The following KRI1 variants were observed in gnomAD, a reference collection of about 807,000 sequenced individuals.
KRI1 encodes KRI1 homolog, also known as protein KRI1 homolog.
In KRI1, 83 loss-of-function variants were observed where a neutral mutation model predicts 97.0. That is an observed-to-expected ratio of 0.86 (90% CI 0.72 to 1.03). KRI1 has a LOEUF of 1.03. Among genes scored for constraint, KRI1 ranks in the 50% least tolerant of loss-of-function variants. The probability of loss-of-function intolerance (pLI) is 0.00; values close to 1 mark genes in which losing one functional copy is unlikely to be tolerated. For missense variants in KRI1, 916 were observed against 928.4 expected (o/e 0.99, Z 0.17); for synonymous variants, 371 against 363.5 (o/e 1.02, Z -0.23).
intron 18 of KRI1, 36 bp from the exon 19 acceptor site, chr19:10,554,317 T>A: frequency 6.4e-7 from 1 of 1,562,056 alleles, no homozygotes; most frequent in Non-Finnish European, 8.8e-7. Flanking sequence ...CCCAGGCCTG[T>A]CAAGATCAGG....
chr19:10,555,254 C>A (rs1916467239), intron 17 of KRI1, 31 bp downstream of exon 17: 1 of 1,613,358 alleles, frequency 6.2e-7, no homozygotes, highest in East Asian at 2.2e-5. Context: ...GCCCCCTGCG[C>A]ATGTGGCCCC....
At chr19:10,555,255 A>ACCTGGCTC in intron 17 of KRI1, 30 bp downstream of exon 17, 1 of 1,613,164 alleles carries the variant, frequency 6.2e-7, no homozygotes, top group Non-Finnish European at 8.5e-7. Context: ...CCCCCTGCGC[A>ACCTGGCTC]TGTGGCCCCG....
chr19:10,563,780 A>G (rs1475789945), intron 3 of KRI1, among the ~76,000 whole-genome samples: 1 of 152,160 alleles, frequency 6.6e-6, no homozygotes, highest in East Asian at 1.9e-4. Flanking sequence ...CTCCCACTTC[A>G]GCCTCCCAAA....
At chr19:10,561,619 G>C (rs749203784) in intron 6 of KRI1, 48 bp downstream of exon 6, 4 of 1,588,128 alleles carry the variant, frequency 2.5e-6, no homozygotes, top group Admixed American at 1.7e-5. Context: ...TCCAACCCCC[G>C]AGCCTCAACT....
chr19:10,556,790 G>A (rs1369956764), intron 16 of KRI1, among the ~76,000 whole-genome samples: 2 of 151,776 alleles, frequency 1.3e-5, no homozygotes, highest in East Asian at 1.9e-4. Context: ...CAGGGAGTTC[G>A]AGACCAGCCT....
At chr19:10,564,798 C>G in intron 3 of KRI1, 131 bp downstream of exon 3, 4 of 727,198 alleles carry the variant, frequency 5.5e-6, no homozygotes, top group South Asian at 1.5e-5. Flanking sequence ...GAGATGCTAC[C>G]GTTAGATATA....
rs539229552 is a variant in KRI1 at position 10,556,062 on chromosome 19, T to C, written c.1618-713A>G. ...AGGGCTTGAACCCACCTAGGCCCCC[T>C]GGTTCCAGAGGACACCAAGTCTTTT... On this transcript the variant is annotated intron_variant, in intron 16 of 18. Transcript: ENST00000312962. 2.0e-5 allele frequency among the ~76,000 whole-genome samples: 3 copies of C among 152,280 alleles called. No homozygotes were observed. The East Asian group carries it at 5.8e-4, about 29-fold the overall frequency.
In KRI1 at chr19:10,565,675, T is replaced by C. The variant is rs763282462; in HGVS notation, c.168+42A>G. On this transcript the variant is annotated intron_variant, in intron 2 of 18. Coordinates refer to ENST00000312962, the MANE Select transcript of KRI1 (RefSeq NM_023008.5). ...TCGGGGTCGGGGTGCAGAGGGGGGC[T>C]TGGACGCCTCCGCACGTCCAGGACG... is the stretch of plus-strand genomic sequence containing the variant. The C allele has an allele frequency of 2.1e-5, 32 of 1,535,460 alleles. No individual in the cohort carries two copies. In the African/African-American group the frequency reaches 4.2e-4, roughly 20 times the overall value.
In KRI1 at chr19:10,562,782, C is replaced by A; in HGVS notation, c.330G>T (p.Val110=). The change falls in exon 4 of 19, where the codon GTG becomes GTT. Residue 110 remains valine, a synonymous_variant. Coordinates refer to ENST00000312962, the MANE Select transcript of KRI1 (RefSeq NM_023008.5). ...DPEALEKQKK[V]RPMYLKDYER... The stretch of plus-strand genomic sequence containing the variant: ...CGTAGTCCTTCAGGTACATGGGCCG[C>A]ACTTTCTTCTGCTTCTCCAAGGCTT... 6.2e-7 allele frequency: 1 copy of A among 1,613,732 alleles called. No homozygotes were observed. Among genetic ancestry groups the A allele is most frequent in the East Asian group, 2.2e-5 (1 of 44,884 alleles).
Position 10,555,351 on chromosome 19 carries a change from T to C in KRI1, c.1618-2A>G. On this transcript the variant is annotated splice_acceptor_variant, in intron 16 of 18. Coordinates refer to ENST00000312962, the MANE Select transcript of KRI1 (RefSeq NM_023008.5). LOFTEE classifies it high-confidence loss of function. ...CTCCTTATCGTCAGCAGCGAGGATC[T>C]GCGTGGGAAGGGAGAGTGGGGACCT... 1.9e-6 allele frequency: 3 copies of C among 1,608,716 alleles called. No homozygotes were observed. The highest frequency in any genetic ancestry group is 2.5e-6 in the Non-Finnish European group (3 of 1,177,700).
rs1916410421 is a variant in KRI1, at chr19:10,554,072, A to G, written c.1991T>C (p.Leu664Pro). 2 of 1,614,040 alleles carry G rather than the reference A, an allele frequency of 1.2e-6. No homozygotes were observed. Among genetic ancestry groups the G allele is most frequent in the African/African-American group, 1.3e-5 (1 of 74,930 alleles). Residue 664 changes from leucine to proline, a missense_variant, in exon 19 of 19, where the codon CTT (leucine) becomes CCT (proline). Physicochemically the swap from Leu to Pro is moderately conservative, Grantham distance 98. This residue lies in a region of KRI1 where 672 missense variants were observed against 667.2 expected (regional missense o/e 1.01). Transcript: ENST00000312962. ...KARLLGPTVM[L>P]GGCEFSRQRL... Reference sequence around the variant, plus strand: ...CTGGCGGCTGAACTCGCATCCACCAAGCATCACAGTGGGGCCCAGCAGCCG... The same window carrying G: ...CTGGCGGCTGAACTCGCATCCACCAGGCATCACAGTGGGGCCCAGCAGCCG...
chr19:10,555,364 A>C lies in KRI1; in HGVS notation c.1618-15T>G. The C allele has an allele frequency of 6.2e-7, 1 of 1,613,974 alleles. No individual in the cohort carries two copies. Among genetic ancestry groups the C allele is most frequent in the Non-Finnish European group, 8.5e-7 (1 of 1,179,974 alleles). On this transcript the variant is annotated splice_polypyrimidine_tract_variant and intron_variant, in intron 16 of 18. Transcript: ENST00000312962. The stretch of plus-strand genomic sequence containing the variant: ...GCAGCGAGGATCTGCGTGGGAAGGG[A>C]GAGTGGGGACCTGCTGTGATATTGC...
rs765058389 is a variant in KRI1, at chr19:10,559,824, G to A, written c.913C>T (p.Pro305Ser). The A allele has an allele frequency of 1.2e-6, 2 of 1,613,842 alleles. No individual in the cohort carries two copies. The highest frequency in any genetic ancestry group is 4.5e-5 in the East Asian group (2 of 44,878). The change falls in exon 10 of 19, where the codon CCG (proline) becomes TCG (serine). Residue 305 changes from proline (P) to serine (S), a missense_variant. Transcript: ENST00000312962. Reference protein sequence around the residue: ...EQKYNFRFEEPDSASVKTYPR... With the variant: ...EQKYNFRFEESDSASVKTYPR... ...CAGCCACACACCGATGCTGAGTCCG[G>A]CTCCTCGAAACGGAAATTGTACTTC...
intron 8 of KRI1, 39 bp downstream of exon 8, chr19:10,560,964 C>T (rs532808803): frequency 1.1e-5 from 16 of 1,488,176 alleles, no homozygotes; most frequent in East Asian, 6.8e-5. Context: ...ACGCGGAACA[C>T]GCGGTCTACT....
Position 10,558,080 on chromosome 19 carries a change from A to G in KRI1, c.1271-20T>C. 1 of 1,614,020 alleles carries G rather than the reference A, an allele frequency of 6.2e-7. No homozygotes were observed. The highest frequency in any genetic ancestry group is 8.5e-7 in the Non-Finnish European group (1 of 1,179,968). ...AGTCGTCTGGATGCAGGGAGAACAGACAGGTGGGGCCAGGGTGGGACCTTG... is the reference window on the plus strand; with the variant it reads ...AGTCGTCTGGATGCAGGGAGAACAGGCAGGTGGGGCCAGGGTGGGACCTTG... On this transcript the variant is annotated intron_variant, in intron 13 of 18. Transcript: ENST00000312962.
intron 12 of KRI1, 131 bp downstream of exon 12, chr19:10,559,228 C>T: frequency 2.1e-6 from 2 of 949,428 alleles, no homozygotes; most frequent in Admixed American, 5.2e-5. Context: ...TGATCTCGAA[C>T]TCCTGACCTC....
At chr19:10,564,569 T>A (rs968809061) in intron 3 of KRI1, among the ~76,000 whole-genome samples, 2 of 152,100 alleles carry the variant, frequency 1.3e-5, no homozygotes, top group Non-Finnish European at 2.9e-5. Context: ...TGGGATTAGA[T>A]GCTTGAACCA....
intron 6 of KRI1, 54 bp from the exon 7 acceptor site, chr19:10,561,319 G>A (rs752994712): frequency 5.2e-5 from 77 of 1,481,996 alleles, no homozygotes; most frequent in Non-Finnish European, 7.2e-5. Flanking sequence ...CCTGTCTGCT[G>A]CCCCAGTATT....
rs747395450 is a variant in KRI1, at chr19:10,561,086, G to A, written c.586-6C>T. 9 of 1,613,920 alleles carry A rather than the reference G, an allele frequency of 5.6e-6. No homozygotes were observed. The African/African-American group carries it at 1.1e-4, about 19-fold the overall frequency. On this transcript the variant is annotated splice_polypyrimidine_tract_variant and splice_region_variant and intron_variant, in intron 7 of 18. Coordinates refer to ENST00000312962, the MANE Select transcript of KRI1 (RefSeq NM_023008.5). Reference sequence around the variant, plus strand: ...TAGTCGGCCTCCTCCTGGGCCTGGGGGAAAGCTAGCACTGAGCATCCGCAG... The same window carrying A: ...TAGTCGGCCTCCTCCTGGGCCTGGGAGAAAGCTAGCACTGAGCATCCGCAG...
Sources: allele counts gnomAD v4.1 joint callset (sites outside exome capture counted in the v4.1 genomes callset), GRCh38; gene constraint gnomAD v4.1.1; regional missense constraint gnomAD v4.1.1; transcripts MANE v1.5; gene names NCBI Gene and HGNC (gene_info 2026-07-23, HGNC 2026-07-21).